The following RUNX2 variants were observed in gnomAD, a reference collection of about 807,000 sequenced individuals.
The protein encoded by RUNX2 is RUNX family transcription factor 2.
In RUNX2, 10 loss-of-function variants were observed where a neutral mutation model predicts 51.7. That is an observed-to-expected ratio of 0.19 (90% confidence interval 0.12 to 0.33). The LOEUF is 0.33. RUNX2 is among the 10% of genes least tolerant of loss of function. The pLI is 1.00. For synonymous variants in RUNX2, 276 were observed against 273.6 expected (o/e 1.01, Z -0.09); for missense variants, 562 against 691.3 (o/e 0.81, Z 2.10).
chr6:45,338,175 T>C (rs189143068), intron 2 of RUNX2, among the ~76,000 whole-genome samples: 2 of 152,192 alleles, frequency 1.3e-5, no homozygotes, highest in East Asian at 3.9e-4. Context: ...CAACAGCTAA[T>C]GCCTGTATTA....
intron 5 of RUNX2, among the ~76,000 whole-genome samples, chr6:45,443,812 C>G (rs987227732): frequency 3.9e-5 from 6 of 152,108 alleles, no homozygotes; most frequent in Non-Finnish European, 7.4e-5. Flanking sequence ...AGCAACATGA[C>G]AAGTCTGTAG....
chr6:45,331,394 AC>A (rs1312082681), intron 2 of RUNX2, among the ~76,000 whole-genome samples: 1 of 151,974 alleles, frequency 6.6e-6, no homozygotes, highest in African/African-American at 2.4e-5. Context: ...GATTTCCAAA[AC>A]AGCAATTGTG....
intron 6 of RUNX2, among the ~76,000 whole-genome samples, chr6:45,498,195 C>T (rs1800702442): frequency 6.6e-6 from 1 of 152,172 alleles, no homozygotes; most frequent in African/African-American, 2.4e-5. Context: ...GCTCAGCTTC[C>T]TCCCATTTCT....
At chr6:45,483,600 A>C (rs962940776) in intron 5 of RUNX2, among the ~76,000 whole-genome samples, 1 of 152,202 alleles carries the variant, frequency 6.6e-6, no homozygotes. Flanking sequence ...TAGTAAGTGA[A>C]TGCTTACTGG....
At chr6:45,518,333 A>G (rs1801395024) in intron 7 of RUNX2, among the ~76,000 whole-genome samples, 1 of 152,190 alleles carries the variant, frequency 6.6e-6, no homozygotes, top group Non-Finnish European at 1.5e-5. Context: ...TTATATCGCC[A>G]CTGATTGGAT....
intron 7 of RUNX2, among the ~76,000 whole-genome samples, chr6:45,525,041 G>A (rs1582206134): frequency 6.6e-6 from 1 of 152,154 alleles, no homozygotes; most frequent in South Asian, 2.1e-4. Flanking sequence ...AACCCGGGAG[G>A]TGGAGGTTGC....
chr6:45,452,225 C>T (rs1394428929), intron 5 of RUNX2, among the ~76,000 whole-genome samples: 1 of 152,196 alleles, frequency 6.6e-6, no homozygotes, highest in East Asian at 1.9e-4. Flanking sequence ...CACCAAAGTT[C>T]GTATAACCTG....
intron 4 of RUNX2, among the ~76,000 whole-genome samples, chr6:45,432,346 G>A (rs1437129973): frequency 6.6e-6 from 1 of 152,094 alleles, no homozygotes; most frequent in Non-Finnish European, 1.5e-5. Flanking sequence ...TAAATTGAGT[G>A]GTAAAGGGGA....
chr6:45,464,076 C>T (rs1336778715), intron 5 of RUNX2, among the ~76,000 whole-genome samples: 1 of 152,096 alleles, frequency 6.6e-6, no homozygotes, highest in Non-Finnish European at 1.5e-5. Context: ...GCCTGTAGTC[C>T]CAGCTACTCA....
intron 2 of RUNX2, among the ~76,000 whole-genome samples, chr6:45,365,813 C>T (rs919444796): frequency 2.6e-5 from 4 of 151,622 alleles, no homozygotes; most frequent in African/African-American, 9.7e-5. Flanking sequence ...AAAACTACAG[C>T]ATAATCTAAA....
intron 6 of RUNX2, among the ~76,000 whole-genome samples, chr6:45,494,151 A>T (rs1800570501): frequency 6.6e-6 from 1 of 152,218 alleles, no homozygotes; most frequent in African/African-American, 2.4e-5. Flanking sequence ...ATCCCCGCCT[A>T]GCAGATACAC....
intron 5 of RUNX2, among the ~76,000 whole-genome samples, chr6:45,467,564 G>A (rs1296140059): frequency 6.6e-6 from 1 of 152,164 alleles, no homozygotes; most frequent in Non-Finnish European, 1.5e-5. Flanking sequence ...TTATAGGCAT[G>A]AAACACTGCA....
chr6:45,541,930 G>GA (rs1233963049), intron 7 of RUNX2, among the ~76,000 whole-genome samples: 1 of 152,148 alleles, frequency 6.6e-6, no homozygotes, highest in Non-Finnish European at 1.5e-5. Flanking sequence ...TAGTCAATGA[G>GA]AAAATGTATG....
intron 3 of RUNX2, among the ~76,000 whole-genome samples, chr6:45,424,708 A>G (rs1325652352): frequency 6.6e-6 from 1 of 152,182 alleles, no homozygotes; most frequent in Admixed American, 6.5e-5. Flanking sequence ...GTCCAGGTCA[A>G]TTAGACCTGG....
chr6:45,340,474 C>A lies in RUNX2; in HGVS notation c.58+11690C>A, dbSNP rs148313201. On this transcript the variant is annotated intron_variant, in intron 2 of 8. Transcript: ENST00000647337. ...AGGTAGCTTGGACTACAGGCACGCA[C>A]CACCACGCCCAGATAATTTTGTAAT... 2.8e-4 allele frequency among the ~76,000 whole-genome samples: 42 copies of A among 152,006 alleles called. No homozygotes were observed. The South Asian group carries it at 4.2e-3, about 15-fold the overall frequency.
chr6:45,500,168 C>T (rs1800764936), intron 6 of RUNX2, among the ~76,000 whole-genome samples: 1 of 152,106 alleles, frequency 6.6e-6, no homozygotes, highest in East Asian at 1.9e-4. Flanking sequence ...AATGGATATG[C>T]TTCACATATC....
intron 2 of RUNX2, chr6:45,361,583 G>A (rs1794271650): frequency 1.3e-5 from 2 of 152,244 alleles, no homozygotes; most frequent in South Asian, 4.2e-4. Flanking sequence ...GGCTGCTTGA[G>A]TTCAATAACC....
intron 2 of RUNX2, among the ~76,000 whole-genome samples, chr6:45,389,264 A>G (rs1436263762): frequency 1.3e-5 from 2 of 152,230 alleles, no homozygotes; most frequent in Non-Finnish European, 2.9e-5. Context: ...ATTTTCTACT[A>G]TTATTGTCCC....
chr6:45,499,878 C>T (rs187455786), intron 6 of RUNX2, among the ~76,000 whole-genome samples: 1 of 152,272 alleles, frequency 6.6e-6, no homozygotes, highest in Non-Finnish European at 1.5e-5. Flanking sequence ...TCCAACACAT[C>T]ATCTTTCTCT....
Sources: allele counts gnomAD v4.1 joint callset (sites outside exome capture counted in the v4.1 genomes callset), GRCh38; gene constraint gnomAD v4.1.1; transcripts MANE v1.5; gene names NCBI Gene and HGNC (gene_info 2026-07-23, HGNC 2026-07-21).